Variants in RET observed in about 807,000 individuals in gnomAD.
RET encodes the protein ret proto-oncogene.
In RET, 19 loss-of-function variants were observed where a neutral mutation model predicts 118.3. The observed-to-expected ratio is 0.16, with a 90% CI of 0.11 to 0.24. The LOEUF is 0.24. Ranked by LOEUF, RET falls within the 10% of genes least tolerant of loss-of-function variation. RET has a pLI of 1.00. For synonymous variants in RET, 597 were observed against 644.1 expected, an observed-to-expected ratio of 0.93 and a Z score of 1.11; for missense variants, 1,219 against 1,502.1, an observed-to-expected ratio of 0.81 and a Z score of 3.12.
chr10:43,077,076 C>A lies in RET; in HGVS notation c.-183C>A. 1.1e-6 allele frequency: 1 copy of A among 943,894 alleles called. No homozygotes were observed. Among genetic ancestry groups the A allele is most frequent in the Non-Finnish European group, 1.4e-6 (1 of 717,294 alleles). 58.5% of individuals were successfully genotyped at this position (943,894 alleles called of 1,614,324 possible). On this transcript the variant is annotated 5_prime_UTR_variant, in exon 1 of 20. Transcript: ENST00000355710. Reference sequence around the variant, plus strand: ...CGGCGCTTACCTCGCTTCAGTCCCGCGACCGAAGCAGGGCGCGCAGCAGCG... The same window carrying A: ...CGGCGCTTACCTCGCTTCAGTCCCGAGACCGAAGCAGGGCGCGCAGCAGCG...
At position 43,128,566 on chromosome 10, in the gene RET, C is replaced by T; in HGVS notation, c.*297C>T. ...AGTGTTGGTCTGTGTCCATCAGTGA[C>T]CACCAACATTCTGTGTTCACATGTG... On this transcript the variant is annotated 3_prime_UTR_variant, in exon 20 of 20. Coordinates refer to ENST00000355710, the MANE Select transcript of RET (RefSeq NM_020975.6). 2.0e-6 allele frequency: 1 copy of T among 504,322 alleles called. No individual in the cohort carries two copies. Among genetic ancestry groups the T allele is most frequent in the South Asian group, 2.1e-5 (1 of 48,778 alleles). The allele number at this position is 504,322 out of a possible 1,614,324, so 31.2% of individuals were successfully genotyped here. A position where few individuals can be genotyped will look rare whatever the true frequency, so the allele number is the denominator to read the frequency against.
intron 1 of RET, among the ~76,000 whole-genome samples, chr10:43,086,643 T>G (rs554164149): frequency 6.6e-6 from 1 of 152,368 alleles, no homozygotes; most frequent in South Asian, 2.1e-4. Flanking sequence ...GCCAGTCCTG[T>G]TCAGCCAGGC....
intron 1 of RET, among the ~76,000 whole-genome samples, chr10:43,096,154 C>T (rs1238844908): frequency 1.3e-5 from 2 of 152,158 alleles, no homozygotes; most frequent in African/African-American, 4.8e-5. Context: ...GTGGGAAAAG[C>T]TTTGTAAGTC....
chr10:43,095,995 G>A (rs1439232118), intron 1 of RET, among the ~76,000 whole-genome samples: 1 of 152,210 alleles, frequency 6.6e-6, no homozygotes. Flanking sequence ...CACCGTCGGT[G>A]GGTGTGGTGT....
intron 7 of RET, 122 bp downstream of exon 7, chr10:43,111,587 A>G (rs2132781474): frequency 9.0e-7 from 1 of 1,110,464 alleles, no homozygotes; most frequent in Non-Finnish European, 1.3e-6. Flanking sequence ...GAAGGCATGG[A>G]CCAGCTTCAC....
Position 43,110,167 on chromosome 10 carries a change from CAT to C in RET, c.1263+938_1263+939del, listed in dbSNP as rs1837884713. The stretch of plus-strand genomic sequence containing the variant: ...CAAGACAGAGGGCCCCGGGGGGTCT[CAT>C]GGGGGGCGGGGCAAGAGCAGGCATT... On this transcript the variant is annotated intron_variant, in intron 6 of 19. Coordinates refer to ENST00000355710, the MANE Select transcript of RET (RefSeq NM_020975.6). Among the ~76,000 whole-genome samples the C allele has an allele frequency of 2.7e-5, 4 of 150,566 alleles. No individual in the cohort carries two copies. In the South Asian group the frequency reaches 8.7e-4, roughly 33 times the overall value.
rs369070120 is a variant in RET, at chr10:43,107,380, C to T, written c.1063+809C>T. On this transcript the variant is annotated intron_variant, in intron 5 of 19. Coordinates refer to ENST00000355710, the MANE Select transcript of RET (RefSeq NM_020975.6). ...TTCCACCACATGAGATCCACAGTGG[C>T]AGCACGCGGCAGGTACACCGATGGC... Among the ~76,000 whole-genome samples the T allele has an allele frequency of 7.9e-5, 12 of 152,164 alleles. No homozygotes were observed. The East Asian group carries it at 1.3e-3, about 17-fold the overall frequency.
chr10:43,116,699 G>A lies in RET; in HGVS notation c.2252G>A (p.Gly751Glu), dbSNP rs778292678. 3.7e-6 allele frequency: 6 copies of A among 1,613,816 alleles called. No individual in the cohort carries two copies. The highest frequency in any genetic ancestry group is 1.1e-5 in the South Asian group (1 of 91,088). ...GCCTTCCATCTGAAAGGCAGAGCAG[G>A]GTACACCACGGTGGCCGTGAAGATG... ...ATAFHLKGRAGYTTVAVKMLK... is the reference protein window; with the variant it reads ...ATAFHLKGRAEYTTVAVKMLK... The change falls in exon 12 of 20, where the codon GGG becomes GAG. Residue 751 changes from glycine (G) to glutamate (E), a missense_variant. Gly to Glu is a moderately conservative substitution (Grantham distance 98). This residue lies in a region of RET where 850 missense variants were observed against 969.6 expected (regional missense o/e 0.88). Coordinates refer to ENST00000355710, the MANE Select transcript of RET (RefSeq NM_020975.6).
chr10:43,104,960 C>T lies in RET; in HGVS notation c.634C>T (p.Leu212=), dbSNP rs1229955390. 3 of 1,566,022 alleles carry T rather than the reference C, an allele frequency of 1.9e-6. No individual in the cohort carries two copies. Among genetic ancestry groups the T allele is most frequent in the Non-Finnish European group, 2.6e-6 (3 of 1,164,386 alleles). Residue 212 remains leucine, a synonymous_variant, in exon 4 of 20, where the codon CTG becomes TTG. Coordinates refer to ENST00000355710, the MANE Select transcript of RET (RefSeq NM_020975.6). ...GTCTGCTTGGTGCGCAGGTGAGGGT[C>T]TGCCCTTCCGCTGCGCCCCGGACAG... The part of the protein sequence containing the change: ...VAYRLLEGEG[L]PFRCAPDSLE...
In RET at chr10:43,128,466, G is replaced by A; in HGVS notation, c.*197G>A. On this transcript the variant is annotated 3_prime_UTR_variant, in exon 20 of 20. Transcript: ENST00000355710. The stretch of plus-strand genomic sequence containing the variant: ...TAGCCGGTGATTTTCCCTCCTAGCA[G>A]ACATGCCACACCGGGTAAGAGCTCT... 1 of 659,314 alleles carries A rather than the reference G, an allele frequency of 1.5e-6. No homozygotes were observed. Among genetic ancestry groups the A allele is most frequent in the Non-Finnish European group, 2.7e-6 (1 of 367,878 alleles). 40.8% of individuals were successfully genotyped at this position (659,314 alleles called of 1,614,324 possible). A position where few individuals can be genotyped will look rare whatever the true frequency, so the allele number is the denominator to read the frequency against.
rs377767407 is a variant in RET, at chr10:43,114,494, G to A, written c.1894G>A (p.Glu632Lys). 73 of 1,607,222 alleles carry A rather than the reference G, an allele frequency of 4.5e-5. No homozygotes were observed. The highest frequency in any genetic ancestry group is 3.7e-4 in the South Asian group (34 of 91,054). Reference sequence around the variant, plus strand: ...CCCACCCACAGATCCACTGTGCGACGAGCTGTGCCGCACGGTGATCGCAGC... The same window carrying A: ...CCCACCCACAGATCCACTGTGCGACAAGCTGTGCCGCACGGTGATCGCAGC... ...PEDIQDPLCD[E>K]LCRTVIAAAV... Residue 632 changes from glutamate (E) to lysine (K), a missense_variant, in exon 11 of 20, where the codon GAG becomes AAG. Glu to Lys is a moderately conservative substitution (Grantham distance 56, BLOSUM62 1). Coordinates refer to ENST00000355710, the MANE Select transcript of RET (RefSeq NM_020975.6). The surrounding 1 kb of genome is among the most constrained non-coding windows in gnomAD (Gnocchi z 4.6).
chr10:43,122,867 C>G (rs1234592290), intron 16 of RET, among the ~76,000 whole-genome samples: 1 of 152,202 alleles, frequency 6.6e-6, no homozygotes, highest in African/African-American at 2.4e-5. Context: ...ACCTCAGCCT[C>G]CCAAAGTGCT....
At chr10:43,104,367 A>AT in intron 3 of RET, among the ~76,000 whole-genome samples, 1 of 151,756 alleles carries the variant, frequency 6.6e-6, no homozygotes, top group East Asian at 1.9e-4. Context: ...AAATACAAAA[A>AT]TTAGCCGGGC....
At chr10:43,116,860 G>A (rs950804138) in intron 12 of RET, 129 bp downstream of exon 12, 12 of 1,201,346 alleles carry the variant, frequency 1.0e-5, no homozygotes, top group Non-Finnish European at 1.4e-5. Flanking sequence ...GCAGTTGGGG[G>A]ACCCCTACCA....
rs377767394 is a variant in RET at position 43,113,603 on chromosome 10, A to C, written c.1807A>C (p.Lys603Gln). 6.2e-7 allele frequency: 1 copy of C among 1,612,656 alleles called. No individual in the cohort carries two copies. Residue 603 changes from lysine (K) to glutamine (Q), a missense_variant, in exon 10 of 20, where the codon AAA becomes CAA. Lys to Gln is a moderately conservative substitution (Grantham distance 53, BLOSUM62 1). Coordinates refer to ENST00000355710, the MANE Select transcript of RET (RefSeq NM_020975.6). ...CGAGCCTGGGGAGCCCCGGGGGATTAAAGCTGGCTATGGCACCTGCAACTG... is the reference window on the plus strand; with the variant it reads ...CGAGCCTGGGGAGCCCCGGGGGATTCAAGCTGGCTATGGCACCTGCAACTG... ...GHEPGEPRGI[K>Q]AGYGTCNCFP...
At position 43,111,065 on chromosome 10, in the gene RET, G is replaced by A. The variant is rs142077984; in HGVS notation, c.1264-142G>A. The A allele has an allele frequency of 2.0e-3, 2,370 of 1,165,506 alleles. 6 individuals are homozygous for A. Among genetic ancestry groups the A allele is most frequent in the Admixed American group, 3.0e-3 (156 of 52,674 alleles). 72.2% of individuals were successfully genotyped at this position (1,165,506 alleles called of 1,614,324 possible). A position where few individuals can be genotyped will look rare whatever the true frequency, so the allele number is the denominator to read the frequency against. On this transcript the variant is annotated intron_variant, in intron 6 of 19. Coordinates refer to ENST00000355710, the MANE Select transcript of RET (RefSeq NM_020975.6). Reference sequence around the variant, plus strand: ...GGGTATGAAGGCTCTGAGGGGTGGAGGACAGGGTGCTCGGGGGGGCTGCTG... The same window carrying A: ...GGGTATGAAGGCTCTGAGGGGTGGAAGACAGGGTGCTCGGGGGGGCTGCTG...
intron 5 of RET, among the ~76,000 whole-genome samples, chr10:43,107,640 A>T (rs1837815628): frequency 6.6e-6 from 1 of 152,044 alleles, no homozygotes; most frequent in African/African-American, 2.4e-5. Context: ...AAAACATTTT[A>T]AAGAGGTTTA....
intron 11 of RET, 114 bp from the exon 12 acceptor site, chr10:43,116,470 T>C: frequency 7.5e-7 from 1 of 1,332,250 alleles, no homozygotes; most frequent in African/African-American, 1.4e-5. Flanking sequence ...CAGCCGGTTC[T>C]CTGCACATTG....
rs1284433385 is a variant in RET, at chr10:43,129,480, GCTT to G, written c.*1215_*1217del. 1 of 234,188 alleles carries G rather than the reference GCTT, an allele frequency of 4.3e-6. No individual in the cohort carries two copies. Among genetic ancestry groups the G allele is most frequent in the Admixed American group, 5.6e-5 (1 of 17,798 alleles). 14.5% of individuals were successfully genotyped at this position (234,188 alleles called of 1,614,324 possible). The stretch of plus-strand genomic sequence containing the variant: ...CTTAGATTCTGACCATGACTCATAA[GCTT>G]CTTGTCATTCTTCATTGCTTGTTTG... On this transcript the variant is annotated 3_prime_UTR_variant, in exon 20 of 20. Transcript: ENST00000355710.
Sources: allele counts gnomAD v4.1 joint callset (sites outside exome capture counted in the v4.1 genomes callset), GRCh38; gene constraint gnomAD v4.1.1; regional missense constraint gnomAD v4.1.1; non-coding constraint Gnocchi (gnomAD v3.1); transcripts MANE v1.5; gene names NCBI Gene and HGNC (gene_info 2026-07-23, HGNC 2026-07-21).